Variants in KIAA0319 observed in about 807,000 individuals in gnomAD.
KIAA0319 encodes the protein dyslexia-associated protein KIAA0319.
In KIAA0319, 83 loss-of-function variants were observed where a neutral mutation model predicts 108.4. The ratio of observed to expected loss-of-function variants is 0.77; its 90% CI spans 0.64 to 0.92. The LOEUF (loss-of-function observed/expected upper bound fraction) is 0.92. KIAA0319 is among the 40% of genes least tolerant of loss of function. The pLI, the probability that KIAA0319 is intolerant of heterozygous loss-of-function variation, is 0.00. For missense variants in KIAA0319, 1,195 were observed against 1,322.4 expected (o/e 0.90, Z 1.49); for synonymous variants, 484 against 510.4 (o/e 0.95, Z 0.70).
At chr6:24,571,378 CAAAA>C (rs34896696) in intron 11 of KIAA0319, among the ~76,000 whole-genome samples, 7 of 118,668 alleles carry the variant, frequency 5.9e-5, no homozygotes, top group Non-Finnish European at 1.1e-4. Context: ...CCCTGTCTCA[CAAAA>C]AAAAAAAAAA....
At chr6:24,556,918 G>A (rs1366750137) in intron 17 of KIAA0319, among the ~76,000 whole-genome samples, 189 bp from the exon 18 acceptor site, 1 of 152,142 alleles carries the variant, frequency 6.6e-6, no homozygotes, top group Non-Finnish European at 1.5e-5. Context: ...AAAGCAAATG[G>A]CAGAAAAAGC....
intron 19 of KIAA0319, 52 bp downstream of exon 19, chr6:24,554,489 A>G: frequency 7.6e-7 from 1 of 1,309,806 alleles, no homozygotes; most frequent in Non-Finnish European, 1.1e-6. Context: ...TAAGCTGTCA[A>G]AACACACTTA....
intron 3 of KIAA0319, among the ~76,000 whole-genome samples, chr6:24,590,296 C>CAA (rs60248624): frequency 1.5e-4 from 11 of 74,796 alleles, no homozygotes; most frequent in African/African-American, 4.1e-4. Flanking sequence ...AGAACGAAGG[C>CAA]AAAAAAAAAA....
chr6:24,541,720 C>G (rs1165256599), downstream of KIAA0319, among the ~76,000 whole-genome samples: 2 of 152,160 alleles, frequency 1.3e-5, no homozygotes, highest in African/African-American at 4.8e-5. Context: ...ATCGCTTGAA[C>G]TGGGGAGGAA....
intron 6 of KIAA0319, among the ~76,000 whole-genome samples, chr6:24,581,735 T>C (rs1004749589): frequency 2.0e-5 from 3 of 152,202 alleles, no homozygotes; most frequent in Non-Finnish European, 4.4e-5. Flanking sequence ...CAAACTGAGA[T>C]ATACTAAGTA....
chr6:24,607,136 A>C (rs958395392), intron 1 of KIAA0319, among the ~76,000 whole-genome samples: 1 of 152,234 alleles, frequency 6.6e-6, no homozygotes, highest in Non-Finnish European at 1.5e-5. Context: ...CAGGTGGATC[A>C]CCTGAGGTCA....
At chr6:24,604,911 G>C (rs1195852082) in intron 1 of KIAA0319, among the ~76,000 whole-genome samples, 3 of 152,118 alleles carry the variant, frequency 2.0e-5, no homozygotes, top group Non-Finnish European at 4.4e-5. Context: ...TATGATCTTG[G>C]CTCACAGCAA....
intron 10 of KIAA0319, among the ~76,000 whole-genome samples, chr6:24,575,210 G>A (rs1250483718): frequency 6.6e-6 from 1 of 152,222 alleles, no homozygotes; most frequent in Non-Finnish European, 1.5e-5. Context: ...GGGGAAAGAA[G>A]AGAGAGGGTG....
At chr6:24,610,761 G>A (rs182921458) in intron 1 of KIAA0319, among the ~76,000 whole-genome samples, 6 of 151,660 alleles carry the variant, frequency 4.0e-5, no homozygotes, top group African/African-American at 1.5e-4. Context: ...TGGTTTTTTT[G>A]AGCCAAGCCT....
At chr6:24,638,079 A>G (rs1439644063) in intron 1 of KIAA0319, among the ~76,000 whole-genome samples, 1 of 152,214 alleles carries the variant, frequency 6.6e-6, no homozygotes, top group Non-Finnish European at 1.5e-5. Context: ...GAGCAAACCA[A>G]TATAAAGGAG....
Position 24,599,348 on chromosome 6 carries a change from G to A in KIAA0319, c.55+1701C>T. The A allele has an allele frequency of 5.8e-6, 3 of 520,830 alleles. 1 individual carries two copies. The highest frequency in any genetic ancestry group is 3.4e-5 in the South Asian group (2 of 58,480). The allele number at this position is 520,830 out of a possible 1,614,324, so 32.3% of individuals were successfully genotyped here. A position where few individuals can be genotyped will look rare whatever the true frequency, so the allele number is the denominator to read the frequency against. Reference sequence around the variant, plus strand: ...TCAAAGGCTAGAGGGCTTCCCTAGAGGCCACCATTGTGGATGCGGAGAAGC... The same window carrying A: ...TCAAAGGCTAGAGGGCTTCCCTAGAAGCCACCATTGTGGATGCGGAGAAGC... On this transcript the variant is annotated intron_variant, in intron 2 of 20. Coordinates refer to ENST00000378214, the MANE Select transcript of KIAA0319 (RefSeq NM_014809.4). The surrounding 1 kb of genome is among the most constrained non-coding windows in gnomAD (Gnocchi z 4.1).
At position 24,612,047 on chromosome 6, in the gene KIAA0319, C is replaced by CA. The variant is rs35491702; in HGVS notation, c.-105-10840dup. 4.8e-3 allele frequency among the ~76,000 whole-genome samples: 642 copies of CA among 132,978 alleles called. 1 individual carries two copies. Among genetic ancestry groups the CA allele is most frequent in the Non-Finnish European group, 8.3e-3 (503 of 60,274 alleles). 87.2% of individuals were successfully genotyped at this position (132,978 alleles called of 152,430 possible). Reference sequence around the variant, plus strand: ...TGGGTGATAGAGTGAGACTTTGTTTCAAAAAAAAAAAAAAGAAAAGAAGAA... The same window carrying CA: ...TGGGTGATAGAGTGAGACTTTGTTTCAAAAAAAAAAAAAAAGAAAAGAAGAA... On this transcript the variant is annotated intron_variant, in intron 1 of 20. Transcript: ENST00000378214.
chr6:24,620,544 G>A (rs1773788869), intron 1 of KIAA0319, among the ~76,000 whole-genome samples: 2 of 152,108 alleles, frequency 1.3e-5, no homozygotes, highest in Admixed American at 1.3e-4. Context: ...CAGGTGATTT[G>A]CCTGCCCCGG....
At chr6:24,569,293 G>A (rs142539966) in intron 12 of KIAA0319, among the ~76,000 whole-genome samples, 41 of 152,276 alleles carry the variant, frequency 2.7e-4, no homozygotes, top group Middle Eastern at 3.4e-3. Flanking sequence ...TGGAAGAGGA[G>A]GGAATAAGCC....
In KIAA0319 at chr6:24,618,136, A is replaced by G. The variant is rs914058846; in HGVS notation, c.-105-16928T>C. Among the ~76,000 whole-genome samples, 63 of 152,336 alleles carry G rather than the reference A, an allele frequency of 4.1e-4. 1 individual carries two copies. The highest frequency in any genetic ancestry group is 3.4e-3 in the Middle Eastern group (1 of 294). The stretch of plus-strand genomic sequence containing the variant: ...ATTGGCAACCATAGGTTTGCTTAAC[A>G]TAAGTTTGGGCTTGGCTTTTCATTA... On this transcript the variant is annotated intron_variant, in intron 1 of 20. Coordinates refer to ENST00000378214, the MANE Select transcript of KIAA0319 (RefSeq NM_014809.4).
intron 2 of KIAA0319, chr6:24,598,383 G>A: frequency 1.6e-6 from 1 of 625,032 alleles, no homozygotes. Flanking sequence ...AGCAGAACAA[G>A]GTGCTGGAGA....
intron 20 of KIAA0319, 100 bp from the exon 21 acceptor site, chr6:24,547,443 C>T: frequency 7.3e-6 from 7 of 962,422 alleles, no homozygotes; most frequent in Non-Finnish European, 6.2e-6. Context: ...CGGAGTGGTG[C>T]TCTCCGCCCC....
chr6:24,561,624 C>T (rs1297586815), intron 16 of KIAA0319, among the ~76,000 whole-genome samples: 4 of 152,088 alleles, frequency 2.6e-5, no homozygotes, highest in African/African-American at 7.2e-5. Context: ...ACATGGCTCA[C>T]AGCAGCCTCA....
downstream of KIAA0319, among the ~76,000 whole-genome samples, chr6:24,540,868 A>T (rs1760172960): frequency 6.6e-6 from 1 of 152,210 alleles, no homozygotes; most frequent in Non-Finnish European, 1.5e-5. Context: ...TATCAAAACC[A>T]GGAAACTGAT....
Sources: allele counts gnomAD v4.1 joint callset (sites outside exome capture counted in the v4.1 genomes callset), GRCh38; gene constraint gnomAD v4.1.1; non-coding constraint Gnocchi (gnomAD v3.1); transcripts MANE v1.5; gene names NCBI Gene and HGNC (gene_info 2026-07-23, HGNC 2026-07-21).